KYAT1: variants seen among roughly 807,000 people sequenced by gnomAD.
KYAT1 encodes kynurenine--oxoglutarate transaminase 1.
Under a neutral mutation model 52.4 loss-of-function variants are expected in KYAT1, and 47 were observed. That is an observed-to-expected ratio of 0.90 (90% CI 0.71 to 1.14). The LOEUF (loss-of-function observed/expected upper bound fraction) is 1.14. Ranked by LOEUF, KYAT1 falls within the 50% of genes most tolerant of loss-of-function variation. The pLI is 0.00. For synonymous variants in KYAT1, 212 were observed against 209.6 expected (o/e 1.01, Z -0.10); for missense variants, 480 against 557.9 (o/e 0.86, Z 1.41).
intron 1 of KYAT1, among the ~76,000 whole-genome samples, chr9:128,855,086 A>G (rs971818361): frequency 3.3e-5 from 5 of 152,228 alleles, no homozygotes; most frequent in Non-Finnish European, 7.3e-5. Flanking sequence ...GGAAATTCCC[A>G]AAGAATCAAA....
intron 1 of KYAT1, among the ~76,000 whole-genome samples, chr9:128,852,708 G>T (rs938940016): frequency 2.6e-5 from 4 of 152,128 alleles, no homozygotes; most frequent in African/African-American, 9.7e-5. Flanking sequence ...ATAAAAATAA[G>T]AAAAGACACA....
chr9:128,876,039 G>T (rs1211652351), intron 1 of KYAT1, among the ~76,000 whole-genome samples: 1 of 152,116 alleles, frequency 6.6e-6, no homozygotes, highest in Non-Finnish European at 1.5e-5. Flanking sequence ...AAAGTCCAAA[G>T]CCTCCTCAGC....
At chr9:128,846,009 A>G (rs559126936) in intron 1 of KYAT1, among the ~76,000 whole-genome samples, 1 of 152,340 alleles carries the variant, frequency 6.6e-6, no homozygotes, top group Non-Finnish European at 1.5e-5. Context: ...ACCCAAGGCC[A>G]TGTCCTAACT....
At chr9:128,869,034 C>T (rs1292906334) in intron 1 of KYAT1, among the ~76,000 whole-genome samples, 2 of 151,966 alleles carry the variant, frequency 1.3e-5, no homozygotes, top group Non-Finnish European at 2.9e-5. Context: ...AGACGGGGGT[C>T]TCACTATGTT....
At chr9:128,882,085 G>T (rs1839033518), upstream of KYAT1, 1 of 152,256 alleles carries the variant, frequency 6.6e-6, no homozygotes, top group Non-Finnish European at 1.5e-5. Flanking sequence ...CGCCCTGGCC[G>T]CCGCGTTCGC....
chr9:128,833,963 G>A lies in KYAT1; in HGVS notation c.1123-137C>T, dbSNP rs533192233. Reference sequence around the variant, plus strand: ...ATCCAGCACCTAGAGCTGCATCAAAGTCAGAGGAACAAGGCCAGGTGCGGT... The same window carrying A: ...ATCCAGCACCTAGAGCTGCATCAAAATCAGAGGAACAAGGCCAGGTGCGGT... On this transcript the variant is annotated intron_variant, in intron 11 of 12. Transcript: ENST00000302586. 7 of 667,378 alleles carry A rather than the reference G, an allele frequency of 1.0e-5. No homozygotes were observed. The East Asian group carries it at 1.9e-4, about 18-fold the overall frequency. The allele number at this position is 667,378 out of a possible 1,614,324, so 41.3% of individuals were successfully genotyped here.
At chr9:128,858,398 A>T (rs1834974349) in intron 1 of KYAT1, among the ~76,000 whole-genome samples, 2 of 144,404 alleles carry the variant, frequency 1.4e-5, no homozygotes, top group Non-Finnish European at 3.0e-5. Flanking sequence ...CCATGTATAA[A>T]AAAAAAAAAA....
chr9:128,856,323 G>T (rs1834586702), intron 1 of KYAT1, among the ~76,000 whole-genome samples: 1 of 152,160 alleles, frequency 6.6e-6, no homozygotes, highest in African/African-American at 2.4e-5. Context: ...TGCAAATTTT[G>T]TATTAATCCT....
intron 3 of KYAT1, 80 bp from the exon 4 acceptor site, chr9:128,838,447 A>G (rs1365364471): frequency 6.4e-7 from 1 of 1,557,432 alleles, no homozygotes; most frequent in Non-Finnish European, 8.8e-7. Context: ...CAATTCTAGC[A>G]CCTTCCAGCA....
chr9:128,881,957 T>G (rs1413683228), upstream of KYAT1: 2 of 152,294 alleles, frequency 1.3e-5, no homozygotes, highest in Non-Finnish European at 1.5e-5. Flanking sequence ...CAGCAGTCCC[T>G]GTCCCTTTAA....
intron 3 of KYAT1, chr9:128,840,779 C>T (rs2119060170): frequency 3.2e-6 from 1 of 312,260 alleles, no homozygotes; most frequent in East Asian, 9.6e-5. Flanking sequence ...TGGCCTCAAA[C>T]TCCTGGGCTC....
chr9:128,859,105 G>A (rs1302584775), intron 1 of KYAT1, among the ~76,000 whole-genome samples: 1 of 152,140 alleles, frequency 6.6e-6, no homozygotes, highest in Non-Finnish European at 1.5e-5. Flanking sequence ...ACTCACGCCT[G>A]TAATCCCAGC....
intron 3 of KYAT1, among the ~76,000 whole-genome samples, chr9:128,841,036 T>C (rs943348836): frequency 1.3e-5 from 2 of 152,216 alleles, no homozygotes; most frequent in African/African-American, 2.4e-5. Flanking sequence ...CTTAAATAAA[T>C]TATGGCACAT....
chr9:128,841,243 G>A (rs1223263349), intron 3 of KYAT1, among the ~76,000 whole-genome samples: 3 of 152,206 alleles, frequency 2.0e-5, no homozygotes, highest in Non-Finnish European at 4.4e-5. Context: ...GGTGGCTCAC[G>A]CCTGTAATCC....
intron 1 of KYAT1, among the ~76,000 whole-genome samples, chr9:128,855,216 TG>T (rs1445247859): frequency 1.3e-5 from 2 of 152,212 alleles, no homozygotes; most frequent in African/African-American, 4.8e-5. Flanking sequence ...TATGGTTGTA[TG>T]GGCCAGACTC....
chr9:128,879,850 AG>A (rs1385867902), intron 1 of KYAT1, among the ~76,000 whole-genome samples: 1 of 152,228 alleles, frequency 6.6e-6, no homozygotes, highest in Non-Finnish European at 1.5e-5. Flanking sequence ...CTCCAAGGAC[AG>A]GAACTATGTG....
chr9:128,866,632 G>T (rs956363802), intron 1 of KYAT1, among the ~76,000 whole-genome samples: 1 of 150,954 alleles, frequency 6.6e-6, no homozygotes, highest in Non-Finnish European at 1.5e-5. Context: ...AATAGTCGCC[G>T]GGCGCAGTGG....
At chr9:128,869,310 A>T (rs1355496195) in intron 1 of KYAT1, among the ~76,000 whole-genome samples, 1 of 151,508 alleles carries the variant, frequency 6.6e-6, no homozygotes, top group Non-Finnish European at 1.5e-5. Flanking sequence ...TACAGGCGCG[A>T]GCCACCACGC....
chr9:128,835,458 C>T, intron 10 of KYAT1, 23 bp downstream of exon 10: 1 of 1,613,840 alleles, frequency 6.2e-7, no homozygotes, highest in South Asian at 1.1e-5. Context: ...TGCGCCCTGC[C>T]CAGACCGGCA....
Sources: gnomAD v4.1 joint callset for allele counts (sites outside exome capture counted in the v4.1 genomes callset) on GRCh38, gnomAD v4.1.1 for gene constraint, MANE v1.5 for transcripts, NCBI Gene and HGNC (gene_info 2026-07-23, HGNC 2026-07-21) for gene names.